PEAK1: variants seen among roughly 807,000 people sequenced by gnomAD.
PEAK1 encodes the protein inactive tyrosine-protein kinase PEAK1.
PEAK1 carries 54 observed loss-of-function variants against 124.7 expected under a neutral mutation model. The observed-to-expected ratio is 0.43, with a 90% CI of 0.35 to 0.54. The LOEUF is 0.54. Ranked by LOEUF, PEAK1 falls within the 20% of genes least tolerant of loss-of-function variation. The pLI is 0.01. For missense variants in PEAK1, 2,046 were observed against 2,134.5 expected (o/e 0.96, Z 0.82); for synonymous variants, 719 against 760.0 (o/e 0.95, Z 0.89).
intron 9 of PEAK1, among the ~76,000 whole-genome samples, chr15:77,115,798 C>T (rs902124832): frequency 2.2e-4 from 33 of 152,286 alleles, no homozygotes; most frequent in Middle Eastern, 3.4e-3. Flanking sequence ...TCACCCATCG[C>T]CCTTTGTGTC....
At chr15:77,291,879 A>C (rs747897390) in intron 2 of PEAK1, among the ~76,000 whole-genome samples, 62 of 150,968 alleles carry the variant, frequency 4.1e-4, no homozygotes, top group Non-Finnish European at 8.5e-4. Context: ...CAGGAGGCTG[A>C]GGCAGGAGAA....
chr15:77,389,471 G>A (rs1022356393), intron 1 of PEAK1, among the ~76,000 whole-genome samples: 1 of 152,164 alleles, frequency 6.6e-6, no homozygotes, highest in African/African-American at 2.4e-5. Context: ...ATCTCTCATG[G>A]AGGGATGTTT....
At chr15:77,163,782 C>A (rs998551536) in intron 7 of PEAK1, among the ~76,000 whole-genome samples, 2 of 151,962 alleles carry the variant, frequency 1.3e-5, no homozygotes, top group Non-Finnish European at 1.5e-5. Flanking sequence ...TTCTGAATTC[C>A]ATTTGTTAGC....
At chr15:77,162,394 C>T (rs1052516341) in intron 7 of PEAK1, among the ~76,000 whole-genome samples, 2 of 146,892 alleles carry the variant, frequency 1.4e-5, no homozygotes, top group African/African-American at 2.5e-5. Context: ...TCGGGGAGGC[C>T]GAGGCAGAAG....
chr15:77,402,334 T>G, intron 1 of PEAK1: 1 of 985,232 alleles, frequency 1.0e-6, no homozygotes, highest in South Asian at 4.7e-5. Context: ...ATCAAGGGAA[T>G]AAATCAAGGG....
At chr15:77,274,289 C>T (rs369879607) in intron 5 of PEAK1, among the ~76,000 whole-genome samples, 5 of 151,914 alleles carry the variant, frequency 3.3e-5, no homozygotes, top group African/African-American at 4.8e-5. Context: ...CTTAATTAAA[C>T]GAAAAAGCTT....
intron 4 of PEAK1, 33 bp from the exon 5 acceptor site, chr15:77,284,063 G>C (rs1250554776): frequency 1.0e-6 from 1 of 981,766 alleles, no homozygotes; most frequent in Non-Finnish European, 1.2e-6. Context: ...ACTTGGTTGA[G>C]AGTCACAGAG....
intron 6 of PEAK1, among the ~76,000 whole-genome samples, chr15:77,193,456 T>C (rs1567097216): frequency 6.6e-6 from 1 of 152,212 alleles, no homozygotes; most frequent in Non-Finnish European, 1.5e-5. Context: ...CACTTTACTA[T>C]GAACCAAATG....
chr15:77,205,554 T>C (rs2058598578), intron 6 of PEAK1, among the ~76,000 whole-genome samples: 1 of 152,210 alleles, frequency 6.6e-6, no homozygotes, highest in Non-Finnish European at 1.5e-5. Context: ...AAAATACTCC[T>C]GGCTCATGGC....
chr15:77,114,828 T>C lies in PEAK1; in HGVS notation c.4569A>G (p.Leu1523=), dbSNP rs768349539. The change falls in exon 10 of 10, where the codon CTA becomes CTG. Residue 1523 remains leucine, a synonymous_variant. Coordinates refer to ENST00000682557, the MANE Select transcript of PEAK1 (RefSeq NM_001385026.1). ...THCDLRLENL[L]LVHYQPGGTA... ...TCCCCCCAGGCTGGTAGTGGACAAG[T>C]AGCAGGTTCTCTAGGCGTAGATCGC... The C allele has an allele frequency of 1.9e-6, 3 of 1,613,458 alleles. No homozygotes were observed. Among genetic ancestry groups the C allele is most frequent in the Non-Finnish European group, 8.5e-7 (1 of 1,179,948 alleles).
chr15:77,237,863 C>T (rs2060192415), intron 6 of PEAK1, among the ~76,000 whole-genome samples: 1 of 152,058 alleles, frequency 6.6e-6, no homozygotes, highest in South Asian at 2.1e-4. Flanking sequence ...TCTTGCTATG[C>T]CTACTACTTT....
Position 77,178,826 on chromosome 15 carries a change from T to C in PEAK1, c.3101A>G (p.His1034Arg). 1 of 1,613,600 alleles carries C rather than the reference T, an allele frequency of 6.2e-7. No individual in the cohort carries two copies. Among genetic ancestry groups the C allele is most frequent in the Non-Finnish European group, 8.5e-7 (1 of 1,179,594 alleles). Residue 1034 changes from histidine (H) to arginine (R), a missense_variant, in exon 7 of 10, where the codon CAT becomes CGT. Transcript: ENST00000682557. ...TTTAGGAATCTGTGATGGAGAAGAATGACTCCTCTTCTTCTCTGAGTCCTG... is the reference window on the plus strand; with the variant it reads ...TTTAGGAATCTGTGATGGAGAAGAACGACTCCTCTTCTTCTCTGAGTCCTG... ...LLQDSEKKRS[H>R]SSPSQIPKKI...
At position 77,114,472 on chromosome 15, in the gene PEAK1, G is replaced by C. The variant is rs746103680; in HGVS notation, c.4925C>G (p.Ala1642Gly). The C allele has an allele frequency of 1.2e-6, 2 of 1,613,938 alleles. No individual in the cohort carries two copies. Residue 1642 changes from alanine to glycine, a missense_variant, in exon 10 of 10, where the codon GCC becomes GGC. Ala to Gly is a moderately conservative substitution (Grantham distance 60). Coordinates refer to ENST00000682557, the MANE Select transcript of PEAK1 (RefSeq NM_001385026.1). ...SPYSRGLQQL[A>G]SCLLNPNPSE... ...AGGGTTGGGATTCAGGAGGCAGCTG[G>C]CCAGCTGCTGCAGACCCCGGGAGTA...
chr15:77,135,374 G>T (rs1312653761), intron 8 of PEAK1, among the ~76,000 whole-genome samples: 1 of 152,108 alleles, frequency 6.6e-6, no homozygotes, highest in South Asian at 2.1e-4. Context: ...CTTATGACAG[G>T]GATAAGTTCT....
At chr15:77,283,493 A>G (rs1042518648) in intron 5 of PEAK1, among the ~76,000 whole-genome samples, 39 of 152,166 alleles carry the variant, frequency 2.6e-4, no homozygotes, top group African/African-American at 8.9e-4. Context: ...TCATACCCAC[A>G]TACTAGTTTT....
chr15:77,105,110 T>G (rs1190854080), downstream of PEAK1: 1 of 152,240 alleles, frequency 6.6e-6, no homozygotes, highest in African/African-American at 2.4e-5. Flanking sequence ...TATCTTTGAC[T>G]CCAGCTCAAG....
rs577214830 is a variant in PEAK1 at position 77,229,935 on chromosome 15, C to T, written c.-115+22432G>A. 8.5e-4 allele frequency among the ~76,000 whole-genome samples: 129 copies of T among 152,188 alleles called. 1 individual carries two copies. The highest frequency in any genetic ancestry group is 2.9e-3 in the African/African-American group (121 of 41,516). ...GTGCTGGGATTACAGGTGTGAGCCA[C>T]GACACCTGGATTTCTTTAGCTGTTT... On this transcript the variant is annotated intron_variant, in intron 6 of 9. Transcript: ENST00000682557.
chr15:77,234,799 C>A (rs1045025746), intron 6 of PEAK1, among the ~76,000 whole-genome samples: 6 of 151,764 alleles, frequency 4.0e-5, no homozygotes, highest in Non-Finnish European at 7.4e-5. Flanking sequence ...CCATGTCCAG[C>A]TAATTAAAAA....
intron 6 of PEAK1, among the ~76,000 whole-genome samples, chr15:77,221,179 C>T (rs1294921026): frequency 1.3e-5 from 2 of 151,892 alleles, no homozygotes; most frequent in Non-Finnish European, 2.9e-5. Flanking sequence ...AAACTTTCCA[C>T]TCTGTCATTG....
Sources: gnomAD v4.1 joint callset for allele counts (sites outside exome capture counted in the v4.1 genomes callset) on GRCh38, gnomAD v4.1.1 for gene constraint, MANE v1.5 for transcripts, NCBI Gene and HGNC (gene_info 2026-07-23, HGNC 2026-07-21) for gene names.